CDH12: variants seen among roughly 807,000 people sequenced by gnomAD.
CDH12 encodes the protein cadherin 12, also known as cadherin-12.
In CDH12, 41 loss-of-function variants were observed where a neutral mutation model predicts 74.1. The observed-to-expected ratio is 0.55, with a 90% CI of 0.43 to 0.72. The LOEUF (loss-of-function observed/expected upper bound fraction) is 0.72. Among genes scored for constraint, CDH12 ranks in the 30% least tolerant of loss-of-function variants. CDH12 has a pLI of 0.00. For synonymous variants in CDH12, 399 were observed against 355.0 expected (o/e 1.12, Z -1.39); for missense variants, 945 against 977.2 (o/e 0.97, Z 0.44).
chr5:21,886,796 T>C (rs756659113), intron 6 of CDH12, among the ~76,000 whole-genome samples: 23 of 151,918 alleles, frequency 1.5e-4, no homozygotes, highest in Non-Finnish European at 2.9e-4. Flanking sequence ...TTCTTATCGA[T>C]ATTTTATTAC....
chr5:22,054,047 T>C (rs992379570), intron 5 of CDH12, among the ~76,000 whole-genome samples: 3 of 152,078 alleles, frequency 2.0e-5, no homozygotes, highest in Admixed American at 1.3e-4. Flanking sequence ...TAATTTTTAT[T>C]ATTTACTTGG....
chr5:22,851,045 T>G (rs907611371), intron 1 of CDH12, among the ~76,000 whole-genome samples: 2 of 152,142 alleles, frequency 1.3e-5, no homozygotes, highest in African/African-American at 4.8e-5. Flanking sequence ...AGTTTTATGC[T>G]CCATCCTCAA....
intron 4 of CDH12, among the ~76,000 whole-genome samples, chr5:22,090,761 G>A (rs868867941): frequency 4.9e-4 from 74 of 151,942 alleles, no homozygotes; most frequent in African/African-American, 1.7e-3. Context: ...TTACTGCAAT[G>A]TTGGTTTAAT....
rs928339291 is a variant in CDH12, at chr5:22,515,125, A to T, written c.-522-9761T>A. Among the ~76,000 whole-genome samples, 4 of 152,144 alleles carry T rather than the reference A, an allele frequency of 2.6e-5. No homozygotes were observed. In the East Asian group the frequency reaches 7.7e-4, roughly 29 times the overall value. ...TATTCATTATATGTATCAAGAAATA[A>T]ATTTAAGAAAAGGATATAATACTTT... On this transcript the variant is annotated intron_variant, in intron 1 of 14. Coordinates refer to ENST00000382254, the MANE Select transcript of CDH12 (RefSeq NM_004061.5).
chr5:22,134,899 C>G (rs1401260374), intron 4 of CDH12, among the ~76,000 whole-genome samples: 3 of 151,578 alleles, frequency 2.0e-5, no homozygotes, highest in South Asian at 4.2e-4. Flanking sequence ...ACACACTCCC[C>G]CCACCAAGCT....
intron 1 of CDH12, among the ~76,000 whole-genome samples, chr5:22,537,825 T>G (rs577392472): frequency 4.0e-4 from 61 of 152,234 alleles, no homozygotes; most frequent in Non-Finnish European, 6.8e-4. Flanking sequence ...TTTGTGTTTG[T>G]TTCCGCTTTC....
chr5:22,096,041 C>A (rs1184877146), intron 4 of CDH12, among the ~76,000 whole-genome samples: 1 of 151,906 alleles, frequency 6.6e-6, no homozygotes, highest in Non-Finnish European at 1.5e-5. Context: ...CCCCAAACCC[C>A]TTCCCTCTGT....
chr5:22,108,145 T>C (rs956720080), intron 4 of CDH12, among the ~76,000 whole-genome samples: 2 of 152,188 alleles, frequency 1.3e-5, no homozygotes, highest in Non-Finnish European at 2.9e-5. Context: ...AACTGAATCA[T>C]AGGGGCAATT....
chr5:22,700,336 A>G (rs1486336080), intron 1 of CDH12, among the ~76,000 whole-genome samples: 1 of 152,188 alleles, frequency 6.6e-6, no homozygotes, highest in Non-Finnish European at 1.5e-5. Flanking sequence ...CCCACTGAAC[A>G]TCTTCTGTCA....
chr5:21,999,998 C>T (rs1736511274), intron 5 of CDH12, among the ~76,000 whole-genome samples: 1 of 152,054 alleles, frequency 6.6e-6, no homozygotes, highest in South Asian at 2.1e-4. Context: ...TATTTCCTTC[C>T]ACCCATTTGT....
intron 3 of CDH12, among the ~76,000 whole-genome samples, chr5:22,376,660 G>A (rs1217112959): frequency 6.7e-6 from 1 of 150,088 alleles, no homozygotes; most frequent in Non-Finnish European, 1.5e-5. Flanking sequence ...GGGACTACAG[G>A]CATGTGCCAC....
chr5:22,129,308 A>T (rs1251881175), intron 4 of CDH12, among the ~76,000 whole-genome samples: 2 of 152,148 alleles, frequency 1.3e-5, no homozygotes, highest in African/African-American at 4.8e-5. Flanking sequence ...AACCACATGG[A>T]ATTGTTGCAA....
At chr5:22,053,130 G>A (rs1294541515) in intron 5 of CDH12, among the ~76,000 whole-genome samples, 5 of 150,292 alleles carry the variant, frequency 3.3e-5, no homozygotes, top group Non-Finnish European at 5.9e-5. Flanking sequence ...GTACCACTCT[G>A]CATTTCTGAT....
chr5:21,962,721 T>G (rs1352718468), intron 6 of CDH12, among the ~76,000 whole-genome samples: 1 of 152,174 alleles, frequency 6.6e-6, no homozygotes, highest in African/African-American at 2.4e-5. Flanking sequence ...GGTTTCATTA[T>G]TTGTTAAGGA....
At chr5:22,652,053 C>T (rs572298254) in intron 1 of CDH12, among the ~76,000 whole-genome samples, 2 of 151,980 alleles carry the variant, frequency 1.3e-5, no homozygotes, top group Admixed American at 1.3e-4. Context: ...TTACTGAATA[C>T]TTCTAGGATA....
intron 4 of CDH12, among the ~76,000 whole-genome samples, chr5:22,209,554 G>C (rs4701275): frequency 0.88 from 133,240 of 151,504 alleles, 58,691 homozygotes; most frequent in East Asian, 0.97. Flanking sequence ...AACCTCTCTT[G>C]GAAAGATGTA....
chr5:21,926,493 T>C (rs1304296199), intron 6 of CDH12, among the ~76,000 whole-genome samples: 1 of 152,182 alleles, frequency 6.6e-6, no homozygotes, highest in African/African-American at 2.4e-5. Context: ...TTTACTTATA[T>C]AAAAATATCT....
At chr5:22,667,022 C>G (rs1196449441) in intron 1 of CDH12, among the ~76,000 whole-genome samples, 1 of 152,182 alleles carries the variant, frequency 6.6e-6, no homozygotes, top group African/African-American at 2.4e-5. Flanking sequence ...TGCTATGCCC[C>G]TCCTCTATTC....
chr5:21,811,208 T>A (rs900327441), intron 9 of CDH12, among the ~76,000 whole-genome samples: 1 of 152,080 alleles, frequency 6.6e-6, no homozygotes, highest in African/African-American at 2.4e-5. Flanking sequence ...GGTTTACTTT[T>A]AAAAAAACTA....
Sources: gnomAD v4.1 joint callset for allele counts (sites outside exome capture counted in the v4.1 genomes callset) on GRCh38, gnomAD v4.1.1 for gene constraint, MANE v1.5 for transcripts, NCBI Gene and HGNC (gene_info 2026-07-23, HGNC 2026-07-21) for gene names.